Variants in RNF169 observed in about 807,000 individuals in gnomAD.
RNF169 encodes the protein ring finger protein 169.
RNF169 carries 24 observed loss-of-function variants against 53.9 expected under a neutral mutation model. The observed-to-expected ratio is 0.45, with a 90% CI of 0.32 to 0.63. The LOEUF (loss-of-function observed/expected upper bound fraction) is 0.63, where lower values mean the gene tolerates loss of function less well. Ranked by LOEUF, RNF169 falls within the 20% of genes least tolerant of loss-of-function variation. RNF169 has a pLI of 0.04. For missense variants in RNF169, 883 were observed against 906.2 expected, an observed-to-expected ratio of 0.97 and a Z score of 0.33; for synonymous variants, 396 against 363.5, an observed-to-expected ratio of 1.09 and a Z score of -1.02.
At chr11:74,771,582 T>C (rs534477609) in intron 1 of RNF169, among the ~76,000 whole-genome samples, 111 of 152,216 alleles carry the variant, frequency 7.3e-4, no homozygotes, top group Middle Eastern at 3.4e-3. Flanking sequence ...TGCACACCTA[T>C]AGTCCCAGCT....
intron 4 of RNF169, chr11:74,831,762 T>C (rs886345658): frequency 2.0e-5 from 3 of 149,528 alleles, no homozygotes; most frequent in African/African-American, 7.4e-5. Context: ...CTGCAAAGTA[T>C]AGCAATCAAA....
intron 2 of RNF169, among the ~76,000 whole-genome samples, chr11:74,797,000 G>T (rs949764652): frequency 6.6e-6 from 1 of 152,104 alleles, no homozygotes; most frequent in Non-Finnish European, 1.5e-5. Flanking sequence ...CTACAGGCAC[G>T]TACCACCTTC....
intron 1 of RNF169, among the ~76,000 whole-genome samples, chr11:74,758,877 T>A (rs1370570438): frequency 1.3e-5 from 2 of 150,260 alleles, no homozygotes; most frequent in Non-Finnish European, 3.0e-5. Flanking sequence ...GGGATGGCAT[T>A]GAATCTGTAA....
At chr11:74,774,421 A>G (rs1428317469) in intron 1 of RNF169, among the ~76,000 whole-genome samples, 1 of 152,036 alleles carries the variant, frequency 6.6e-6, no homozygotes, top group Non-Finnish European at 1.5e-5. Context: ...CCAGATTGAT[A>G]ACTTAAATAA....
intron 2 of RNF169, among the ~76,000 whole-genome samples, chr11:74,796,942 T>C (rs2035657807): frequency 6.6e-6 from 1 of 152,246 alleles, no homozygotes; most frequent in Non-Finnish European, 1.5e-5. Context: ...AGACTGAAAC[T>C]CTTGGCCTCA....
chr11:74,809,016 T>A (rs528310768), intron 2 of RNF169, among the ~76,000 whole-genome samples: 2 of 152,170 alleles, frequency 1.3e-5, no homozygotes, highest in Admixed American at 1.3e-4. Context: ...TTTTAAAGAT[T>A]AGTTCAGGCT....
intron 4 of RNF169, chr11:74,832,049 A>C (rs571108612): frequency 9.2e-5 from 14 of 152,322 alleles, no homozygotes; most frequent in South Asian, 6.2e-4. Context: ...AAACTCTTAG[A>C]AGAAAACAGT....
At chr11:74,814,802 C>T (rs1012291578) in intron 3 of RNF169, among the ~76,000 whole-genome samples, 1 of 152,154 alleles carries the variant, frequency 6.6e-6, no homozygotes, top group Non-Finnish European at 1.5e-5. Context: ...CTATCTTAAA[C>T]ACCATTGTGA....
intron 3 of RNF169, among the ~76,000 whole-genome samples, chr11:74,810,803 A>G (rs1449645321): frequency 6.6e-6 from 1 of 152,208 alleles, no homozygotes; most frequent in African/African-American, 2.4e-5. Context: ...AATTGGGCCA[A>G]ATCCTGCCTG....
At chr11:74,817,482 A>T (rs976118770) in intron 3 of RNF169, 114 bp from the exon 4 acceptor site, 3 of 680,552 alleles carry the variant, frequency 4.4e-6, no homozygotes, top group Non-Finnish European at 7.8e-6. Flanking sequence ...AGTTGGAAAC[A>T]TAGGTTGGAG....
chr11:74,817,256 G>A (rs1240769703), intron 3 of RNF169, among the ~76,000 whole-genome samples: 1 of 152,174 alleles, frequency 6.6e-6, no homozygotes, highest in Non-Finnish European at 1.5e-5. Flanking sequence ...TAATGGGAGT[G>A]ACATAAACAG....
At chr11:74,805,015 T>C (rs1255393983) in intron 2 of RNF169, among the ~76,000 whole-genome samples, 4 of 152,208 alleles carry the variant, frequency 2.6e-5, no homozygotes, top group Non-Finnish European at 5.9e-5. Context: ...CTTAACTGTG[T>C]GATGCAGCAA....
intron 1 of RNF169, among the ~76,000 whole-genome samples, chr11:74,752,228 T>TAAA (rs11325931): frequency 0.017 from 1,307 of 78,680 alleles, 29 homozygotes; most frequent in African/African-American, 0.054. Context: ...GAGACTGTCT[T>TAAA]AAAAAAAAAA....
intron 1 of RNF169, among the ~76,000 whole-genome samples, chr11:74,768,606 T>TAA (rs35118389): frequency 3.8e-5 from 5 of 131,364 alleles, no homozygotes; most frequent in South Asian, 2.4e-4. Flanking sequence ...GACTCTGTCT[T>TAA]AAAAAAAAAA....
intron 1 of RNF169, among the ~76,000 whole-genome samples, chr11:74,785,141 G>T (rs1361512885): frequency 7.1e-6 from 1 of 140,454 alleles, no homozygotes; most frequent in African/African-American, 2.7e-5. Flanking sequence ...GCAAAGAGAA[G>T]CTTCAACATG....
chr11:74,753,753 C>G (rs1549980), intron 1 of RNF169, among the ~76,000 whole-genome samples: 3,229 of 152,070 alleles, frequency 0.021, 111 homozygotes, highest in African/African-American at 0.074. Context: ...TCCAGTGCCT[C>G]TTTAGGAATT....
chr11:74,817,773 G>C, intron 4 of RNF169, 59 bp downstream of exon 4: 1 of 1,025,072 alleles, frequency 9.8e-7, no homozygotes, highest in Non-Finnish European at 1.5e-6. Context: ...TGAGATAAAA[G>C]GGACTGGGGG....
intron 1 of RNF169, 36 bp downstream of exon 1, chr11:74,749,418 G>T: frequency 2.4e-6 from 3 of 1,231,600 alleles, no homozygotes; most frequent in Non-Finnish European, 3.1e-6. Flanking sequence ...GGTCTGGAGC[G>T]AGGCCGAGCG....
intron 4 of RNF169, among the ~76,000 whole-genome samples, chr11:74,828,039 A>G (rs2036124906): frequency 6.6e-6 from 1 of 152,244 alleles, no homozygotes; most frequent in Non-Finnish European, 1.5e-5. Flanking sequence ...GAGGAACTCA[A>G]ACTGTCTTTG....
Sources: gnomAD v4.1 joint callset for allele counts (sites outside exome capture counted in the v4.1 genomes callset) on GRCh38, gnomAD v4.1.1 for gene constraint, MANE v1.5 for transcripts, NCBI Gene and HGNC (gene_info 2026-07-23, HGNC 2026-07-21) for gene names.